Variants in SIPA1L3 observed in about 807,000 individuals in gnomAD.
The protein encoded by SIPA1L3 is signal induced proliferation associated 1 like 3.
A neutral mutation model predicts 150.1 loss-of-function variants in SIPA1L3; 59 were observed. The ratio of observed to expected loss-of-function variants is 0.39; its 90% confidence interval spans 0.32 to 0.49. SIPA1L3 has a LOEUF of 0.49. SIPA1L3 is among the 20% of genes least tolerant of loss of function. The pLI is 0.86. For synonymous variants in SIPA1L3, 1,070 were observed against 1,077.6 expected, an observed-to-expected ratio of 0.99 and a Z score of 0.14; for missense variants, 2,211 against 2,489.5, an observed-to-expected ratio of 0.89 and a Z score of 2.38.
At chr19:38,042,678 A>G (rs1024163985) in intron 2 of SIPA1L3, among the ~76,000 whole-genome samples, 2 of 152,218 alleles carry the variant, frequency 1.3e-5, no homozygotes, top group Non-Finnish European at 2.9e-5. Context: ...TTCTAAGGAT[A>G]ATATTTTGGG....
chr19:38,052,472 G>C (rs542863809), intron 2 of SIPA1L3, among the ~76,000 whole-genome samples: 1 of 152,310 alleles, frequency 6.6e-6, no homozygotes, highest in South Asian at 2.1e-4. Context: ...AGGACCACCT[G>C]GCTTCTCACC....
At chr19:37,997,749 C>G (rs1426737916) in intron 1 of SIPA1L3, among the ~76,000 whole-genome samples, 2 of 150,616 alleles carry the variant, frequency 1.3e-5, no homozygotes, top group East Asian at 3.9e-4. Context: ...CTCCTGTAGT[C>G]CAGCTACTCC....
chr19:37,987,184 T>C (rs1967376190), intron 1 of SIPA1L3, among the ~76,000 whole-genome samples: 1 of 152,096 alleles, frequency 6.6e-6, no homozygotes, highest in Non-Finnish European at 1.5e-5. Flanking sequence ...CGCCTCAGCC[T>C]CCCAAAGCAC....
intron 16 of SIPA1L3, among the ~76,000 whole-genome samples, chr19:38,190,481 C>T (rs535470652): frequency 1.9e-4 from 29 of 152,290 alleles, no homozygotes; most frequent in African/African-American, 6.0e-4. Flanking sequence ...AGGAATATGA[C>T]CTGACCAGGA....
At chr19:38,037,064 A>G (rs1044525587) in intron 2 of SIPA1L3, among the ~76,000 whole-genome samples, 6 of 152,200 alleles carry the variant, frequency 3.9e-5, no homozygotes. Context: ...TTTATGCAGC[A>G]CCTACTGTGT....
At chr19:38,061,576 G>A (rs185845571) in intron 2 of SIPA1L3, among the ~76,000 whole-genome samples, 14 of 152,180 alleles carry the variant, frequency 9.2e-5, no homozygotes, top group Admixed American at 3.3e-4. Flanking sequence ...GTGTGCACAC[G>A]TGTGCAAGAG....
intron 18 of SIPA1L3, 45 bp from the exon 19 acceptor site, chr19:38,198,344 G>A (rs556082905): frequency 1.9e-5 from 27 of 1,456,922 alleles, no homozygotes; most frequent in Admixed American, 5.1e-5. Flanking sequence ...TGTGTCTCCC[G>A]CATTGTCACA....
intron 1 of SIPA1L3, among the ~76,000 whole-genome samples, chr19:37,938,902 C>T (rs140469235): frequency 3.3e-5 from 5 of 152,206 alleles, no homozygotes; most frequent in East Asian, 1.9e-4. Context: ...GGATTACAGG[C>T]GTGAGCCACA....
intron 3 of SIPA1L3, among the ~76,000 whole-genome samples, chr19:38,086,629 G>A (rs1481486563): frequency 6.6e-6 from 1 of 152,186 alleles, no homozygotes; most frequent in Non-Finnish European, 1.5e-5. Context: ...GTTGCAGTGA[G>A]CCATGATTGC....
At chr19:37,979,952 G>A (rs554254441) in intron 1 of SIPA1L3, among the ~76,000 whole-genome samples, 8 of 152,180 alleles carry the variant, frequency 5.3e-5, no homozygotes, top group South Asian at 4.1e-4. Context: ...CCCTGGCTGC[G>A]TGGCAGGCCG....
intron 8 of SIPA1L3, among the ~76,000 whole-genome samples, chr19:38,116,614 A>G (rs903798637): frequency 5.9e-5 from 9 of 151,742 alleles, no homozygotes; most frequent in African/African-American, 2.2e-4. Context: ...TTGGGAGGCC[A>G]AGGCGGGCAG....
intron 1 of SIPA1L3, among the ~76,000 whole-genome samples, chr19:37,985,404 T>C (rs1036083135): frequency 7.2e-5 from 11 of 152,118 alleles, no homozygotes; most frequent in African/African-American, 2.7e-4. Flanking sequence ...GGCACATGCC[T>C]CTAGTTCCAG....
intron 15 of SIPA1L3, among the ~76,000 whole-genome samples, chr19:38,178,515 G>A (rs1025863032): frequency 2.0e-5 from 3 of 151,902 alleles, no homozygotes; most frequent in African/African-American, 4.8e-5. Context: ...TCACTCTGTC[G>A]CCCAGGCTGG....
At chr19:38,114,001 AC>A (rs968396813) in intron 8 of SIPA1L3, among the ~76,000 whole-genome samples, 1 of 152,156 alleles carries the variant, frequency 6.6e-6, no homozygotes, top group Admixed American at 6.5e-5. Flanking sequence ...GAAGTAAGGG[AC>A]CAGCTGTTCT....
intron 10 of SIPA1L3, among the ~76,000 whole-genome samples, chr19:38,140,099 C>A (rs1259754095): frequency 2.7e-5 from 4 of 147,578 alleles, no homozygotes; most frequent in African/African-American, 9.7e-5. Flanking sequence ...TGCTGGGTGG[C>A]CATGAACGGG....
chr19:38,198,243 A>C, intron 18 of SIPA1L3, 146 bp from the exon 19 acceptor site: 1 of 922,808 alleles, frequency 1.1e-6, no homozygotes, highest in East Asian at 2.9e-5. Context: ...AGGCCTCTGT[A>C]GGCTCCAGCA....
intron 16 of SIPA1L3, among the ~76,000 whole-genome samples, chr19:38,189,039 G>A (rs987614732): frequency 2.6e-5 from 4 of 151,830 alleles, no homozygotes; most frequent in Non-Finnish European, 5.9e-5. Flanking sequence ...AAACGTGACT[G>A]CACACACATG....
At chr19:38,115,670 T>C (rs191298204) in intron 8 of SIPA1L3, among the ~76,000 whole-genome samples, 1 of 152,170 alleles carries the variant, frequency 6.6e-6, no homozygotes, top group Non-Finnish European at 1.5e-5. Flanking sequence ...GCTGCAGCAC[T>C]CTCCCCCAGC....
intron 1 of SIPA1L3, among the ~76,000 whole-genome samples, chr19:37,914,324 G>GT (rs2046399074): frequency 6.6e-6 from 1 of 151,862 alleles, no homozygotes; most frequent in South Asian, 2.1e-4. Flanking sequence ...AAGAGTATCA[G>GT]TTTGACTGGA....
Sources: gnomAD v4.1 joint callset for allele counts (sites outside exome capture counted in the v4.1 genomes callset) on GRCh38, gnomAD v4.1.1 for gene constraint, MANE v1.5 for transcripts, NCBI Gene and HGNC (gene_info 2026-07-23, HGNC 2026-07-21) for gene names.